KIF16B: variants seen among roughly 807,000 people sequenced by gnomAD.
The protein encoded by KIF16B is kinesin-like protein KIF16B.
Under a neutral mutation model 156.3 loss-of-function variants are expected in KIF16B, and 98 were observed. The ratio of observed to expected loss-of-function variants is 0.63; its 90% confidence interval spans 0.53 to 0.74. The LOEUF (loss-of-function observed/expected upper bound fraction) is 0.74, where lower values mean the gene tolerates loss of function less well. Ranked by LOEUF, KIF16B falls within the 30% of genes least tolerant of loss-of-function variation. The pLI is 0.00. For missense variants in KIF16B, 1,421 were observed against 1,606.5 expected, an observed-to-expected ratio of 0.88 and a Z score of 1.97; for synonymous variants, 564 against 583.7, an observed-to-expected ratio of 0.97 and a Z score of 0.49.
intron 25 of KIF16B, 145 bp from the exon 26 acceptor site, chr20:16,273,556 T>C (rs865780607): frequency 1.1e-5 from 7 of 648,540 alleles, no homozygotes; most frequent in South Asian, 1.9e-5. Flanking sequence ...CTGGACAGGG[T>C]GGTGCACTGA....
At chr20:16,490,441 T>C (rs1600528685) in intron 12 of KIF16B, among the ~76,000 whole-genome samples, 3 of 152,220 alleles carry the variant, frequency 2.0e-5, no homozygotes, top group Admixed American at 2.0e-4. Context: ...CTCAGGAGGC[T>C]GAGGTATGAG....
chr20:16,553,143 G>A (rs952634019), intron 1 of KIF16B, among the ~76,000 whole-genome samples: 1 of 152,090 alleles, frequency 6.6e-6, no homozygotes, highest in African/African-American at 2.4e-5. Context: ...CAGCCATTTC[G>A]TGAGACTTTG....
chr20:16,352,060 G>A (rs1423766767), intron 23 of KIF16B, among the ~76,000 whole-genome samples: 1 of 152,230 alleles, frequency 6.6e-6, no homozygotes, highest in East Asian at 1.9e-4. Context: ...TGCTAGAGCA[G>A]ACACGACTAA....
chr20:16,528,253 C>T, intron 2 of KIF16B, 118 bp downstream of exon 2: 2 of 734,182 alleles, frequency 2.7e-6, no homozygotes, highest in South Asian at 1.7e-5. Context: ...ACGTGGCTAA[C>T]TGCACTGGAA....
chr20:16,361,181 A>G (rs2064545119), intron 22 of KIF16B, among the ~76,000 whole-genome samples: 1 of 152,132 alleles, frequency 6.6e-6, no homozygotes, highest in Non-Finnish European at 1.5e-5. Context: ...CCTTTTTTCA[A>G]CTACACATAC....
At chr20:16,331,683 T>C (rs1195416412) in intron 24 of KIF16B, among the ~76,000 whole-genome samples, 1 of 152,152 alleles carries the variant, frequency 6.6e-6, no homozygotes, top group South Asian at 2.1e-4. Flanking sequence ...GTAAATAAAA[T>C]ATGTTCCCAC....
intron 24 of KIF16B, among the ~76,000 whole-genome samples, chr20:16,333,570 T>C (rs1004490134): frequency 2.0e-5 from 3 of 152,232 alleles, no homozygotes; most frequent in Non-Finnish European, 4.4e-5. Context: ...AATACACCCT[T>C]TTTCCTCTGG....
intron 15 of KIF16B, among the ~76,000 whole-genome samples, chr20:16,409,967 A>ACG (rs780771433): frequency 6.6e-5 from 2 of 30,140 alleles, no homozygotes; most frequent in East Asian, 3.1e-3. Context: ...ATATATATAT[A>ACG]TACATATATA....
intron 23 of KIF16B, among the ~76,000 whole-genome samples, chr20:16,345,224 C>A (rs1216449784): frequency 6.6e-6 from 1 of 152,246 alleles, no homozygotes; most frequent in Admixed American, 6.5e-5. Context: ...TCTCTTCCCA[C>A]ACTTAATTGT....
chr20:16,297,022 A>C (rs2063397752), intron 25 of KIF16B, among the ~76,000 whole-genome samples: 1 of 152,220 alleles, frequency 6.6e-6, no homozygotes, highest in South Asian at 2.1e-4. Context: ...CTGCCTTTGG[A>C]CTCAAACTGA....
chr20:16,465,369 C>T (rs141769803), intron 12 of KIF16B, among the ~76,000 whole-genome samples: 200 of 152,302 alleles, frequency 1.3e-3, no homozygotes, highest in African/African-American at 4.7e-3. Context: ...CCTCTCAAGT[C>T]CTTGGAGATG....
chr20:16,471,811 A>G (rs2067669854), intron 12 of KIF16B, among the ~76,000 whole-genome samples: 3 of 152,228 alleles, frequency 2.0e-5, no homozygotes, highest in South Asian at 4.1e-4. Flanking sequence ...TTTACTACCT[A>G]TGGTTCTTCA....
At chr20:16,280,368 A>G (rs1477100777) in intron 25 of KIF16B, among the ~76,000 whole-genome samples, 1 of 152,122 alleles carries the variant, frequency 6.6e-6, no homozygotes, top group African/African-American at 2.4e-5. Context: ...CAGGGGATGG[A>G]GGGAAGGAGG....
chr20:16,379,090 G>C lies in KIF16B; in HGVS notation c.2912C>G (p.Ala971Gly). The change falls in exon 19 of 26, where the codon GCC becomes GGC. Residue 971 changes from alanine to glycine, a missense_variant. Physicochemically the swap from Ala to Gly is moderately conservative, Grantham distance 60 (BLOSUM62 0). Transcript: ENST00000354981. ...ANANQLQKLQ[A>G]TFEFTANIAR... ...AATGTTGGCAGTGAATTCAAAGGTG[G>C]CTTGGAGCTTTTGCAGCTGGTTTGC... 2 of 1,612,406 alleles carry C rather than the reference G, an allele frequency of 1.2e-6. No homozygotes were observed. Among genetic ancestry groups the C allele is most frequent in the Non-Finnish European group, 1.7e-6 (2 of 1,178,924 alleles).
chr20:16,566,003 C>T (rs766398808), intron 1 of KIF16B, among the ~76,000 whole-genome samples: 6 of 152,246 alleles, frequency 3.9e-5, no homozygotes, highest in African/African-American at 1.2e-4. Context: ...TAGGTGCAAA[C>T]GCACCAAAAG....
At chr20:16,488,391 C>T (rs73898792) in intron 12 of KIF16B, among the ~76,000 whole-genome samples, 9,156 of 152,232 alleles carry the variant, frequency 0.06, 578 homozygotes, top group African/African-American at 0.16. Flanking sequence ...AGCCAGATGA[C>T]ATACCTTGAG....
chr20:16,424,282 T>C (rs2066299210), intron 15 of KIF16B, among the ~76,000 whole-genome samples: 1 of 152,054 alleles, frequency 6.6e-6, no homozygotes, highest in Non-Finnish European at 1.5e-5. Context: ...GGTGGGTGGA[T>C]GGATGTGGAT....
chr20:16,392,593 G>T (rs904627924), intron 17 of KIF16B, among the ~76,000 whole-genome samples: 1 of 152,198 alleles, frequency 6.6e-6, no homozygotes, highest in Non-Finnish European at 1.5e-5. Flanking sequence ...CTCTGAGATC[G>T]CACATGTGAA....
chr20:16,515,766 A>C, intron 3 of KIF16B, 102 bp from the exon 4 acceptor site: 2 of 667,420 alleles, frequency 3.0e-6, no homozygotes, highest in South Asian at 1.8e-5. Flanking sequence ...TCAGCTCTTA[A>C]GGATTAGACC....
Sources: allele counts gnomAD v4.1 joint callset (sites outside exome capture counted in the v4.1 genomes callset), GRCh38; gene constraint gnomAD v4.1.1; transcripts MANE v1.5; gene names NCBI Gene and HGNC (gene_info 2026-07-23, HGNC 2026-07-21).